The following ATOSB variants were observed in gnomAD, a reference collection of about 807,000 sequenced individuals.
ATOSB encodes the protein atos homolog B.
the ATOSB span, chr9:35,108,937 C>T: frequency 6.6e-6 from 1 of 152,268 alleles, no homozygotes; most frequent in Non-Finnish European, 1.5e-5. Context: ...CAGGTCTTGG[C>T]TCAGTATAAT....
the ATOSB span, chr9:35,105,811 G>GAACT: frequency 6.2e-7 from 1 of 1,614,138 alleles, no homozygotes; most frequent in East Asian, 2.2e-5. This position sits in a 1 kb window ranked among gnomAD's most constrained non-coding sequence, Gnocchi z 5.5. Flanking sequence ...GAAGTCAAAG[G>GAACT]TCACAAGGAA....
At chr9:35,106,048 G>C in the ATOSB span, 1 of 1,590,948 alleles carries the variant, frequency 6.3e-7, no homozygotes, top group Non-Finnish European at 8.6e-7. The surrounding 1 kb of genome is among the most constrained non-coding windows in gnomAD (Gnocchi z 4.6). Context: ...GTGGGGACTA[G>C]GAAAACCCTG....
At chr9:35,107,503 C>T in the ATOSB span, 1 of 1,606,552 alleles carries the variant, frequency 6.2e-7, no homozygotes, top group Non-Finnish European at 8.5e-7. Context: ...GCTGGCCCCT[C>T]TTCCTCAGAG....
At chr9:35,107,343 A>ATT in the ATOSB span, 10 of 1,531,242 alleles carry the variant, frequency 6.5e-6, no homozygotes, top group Non-Finnish European at 7.9e-6. Flanking sequence ...AAAAAAAAAA[A>ATT]GTAAAAAAAG....
chr9:35,107,941 C>A, the ATOSB span: 33 of 1,604,610 alleles, frequency 2.1e-5, no homozygotes, highest in Admixed American at 6.8e-5. Flanking sequence ...CTGGCCACAC[C>A]TAGTCCCAGC....
chr9:35,111,310 G>A, the ATOSB span: 4 of 155,488 alleles, frequency 2.6e-5, no homozygotes, highest in Non-Finnish European at 4.3e-5. Flanking sequence ...CGCTGCTCCG[G>A]GCCCTTCCGT....
At chr9:35,105,742 A>T in the ATOSB span, 4 of 1,614,004 alleles carry the variant, frequency 2.5e-6, no homozygotes, top group Non-Finnish European at 3.4e-6. This position sits in a 1 kb window ranked among gnomAD's most constrained non-coding sequence, Gnocchi z 5.5. Flanking sequence ...CTCCTCACCC[A>T]CAGGCACCAA....
the ATOSB span, chr9:35,107,977 C>T: frequency 3.1e-6 from 5 of 1,600,616 alleles, no homozygotes; most frequent in East Asian, 1.1e-4. Flanking sequence ...CCTAAGAGCC[C>T]CACAGTAGAT....
chr9:35,108,550 G>A, the ATOSB span: 2,593 of 1,224,120 alleles, frequency 2.1e-3, 43 homozygotes, highest in African/African-American at 0.038. Flanking sequence ...TTTAGCTCAG[G>A]CTTCTTACTG....
the ATOSB span, chr9:35,108,640 C>G: frequency 9.6e-7 from 1 of 1,038,772 alleles, no homozygotes; most frequent in South Asian, 3.8e-5. Flanking sequence ...CTCTTCCCAA[C>G]TGATGCCTCG....
At chr9:35,108,735 A>G in the ATOSB span, 3 of 981,332 alleles carry the variant, frequency 3.1e-6, no homozygotes, top group South Asian at 4.6e-5. Context: ...GCTCAGCAGG[A>G]CCCTGAGGAG....
chr9:35,108,375 T>C, the ATOSB span: 1 of 1,420,802 alleles, frequency 7.0e-7, no homozygotes, highest in Non-Finnish European at 9.1e-7. Context: ...GAAGAAAAGG[T>C]GGTCAGGGGA....
the ATOSB span, among the ~76,000 whole-genome samples, chr9:35,114,795 A>G: frequency 0.18 from 27,734 of 152,034 alleles, 2,796 homozygotes; most frequent in Admixed American, 0.26. Flanking sequence ...ACCCAGAAGG[A>G]TAAGGGTGGG....
chr9:35,113,131 A>G, the ATOSB span, among the ~76,000 whole-genome samples: 2 of 152,190 alleles, frequency 1.3e-5, no homozygotes, highest in Non-Finnish European at 2.9e-5. Context: ...TTGCCTTAAT[A>G]AAAACTTACT....
the ATOSB span, chr9:35,107,520 T>C: frequency 3.1e-6 from 5 of 1,600,316 alleles, no homozygotes; most frequent in Non-Finnish European, 4.3e-6. Context: ...AGAGCTGACA[T>C]CTGGGGCTTC....
the ATOSB span, chr9:35,108,140 G>C: frequency 5.1e-6 from 8 of 1,576,896 alleles, no homozygotes; most frequent in Non-Finnish European, 6.9e-6. Flanking sequence ...GGTAGACCCC[G>C]GGGGATGTCG....
chr9:35,108,440 G>A, the ATOSB span: 5 of 1,390,440 alleles, frequency 3.6e-6, no homozygotes, highest in Non-Finnish European at 3.7e-6. Flanking sequence ...TTGCCTAAAG[G>A]GGTGACTTTG....
the ATOSB span, chr9:35,106,479 C>T: frequency 2.5e-6 from 4 of 1,608,622 alleles, no homozygotes; most frequent in Non-Finnish European, 3.4e-6. This position sits in a 1 kb window ranked among gnomAD's most constrained non-coding sequence, Gnocchi z 4.6. Context: ...ATCCAAGCCA[C>T]ATTCCACCAT....
chr9:35,113,336 G>C, the ATOSB span, among the ~76,000 whole-genome samples: 71 of 152,224 alleles, frequency 4.7e-4, no homozygotes, highest in South Asian at 1.2e-3. Context: ...ACAACCAAGA[G>C]GACTTACCAC....
Sources: gnomAD v4.1 joint callset for allele counts (sites outside exome capture counted in the v4.1 genomes callset) on GRCh38, gnomAD v4.1.1 for gene constraint, Gnocchi (gnomAD v3.1) non-coding constraint, MANE v1.5 for transcripts, NCBI Gene and HGNC (gene_info 2026-07-23, HGNC 2026-07-21) for gene names.